PLD1: variants seen among roughly 807,000 people sequenced by gnomAD.
PLD1 encodes phospholipase D1.
A neutral mutation model predicts 137.1 loss-of-function variants in PLD1; 112 were observed. That is an observed-to-expected ratio of 0.82 (90% confidence interval 0.70 to 0.96). The LOEUF (loss-of-function observed/expected upper bound fraction) is 0.96. Among genes scored for constraint, PLD1 ranks in the 40% least tolerant of loss-of-function variants. The pLI is 0.00. For synonymous variants in PLD1, 431 were observed against 454.7 expected (o/e 0.95, Z 0.66); for missense variants, 1,321 against 1,342.0 (o/e 0.98, Z 0.24).
chr3:171,780,229 T>C (rs532365568), intron 1 of PLD1, among the ~76,000 whole-genome samples: 4 of 150,694 alleles, frequency 2.7e-5, no homozygotes, highest in African/African-American at 9.9e-5. Context: ...GGTTTGGATA[T>C]ATAAGTCTGA....
At chr3:171,630,391 T>C (rs1177277391) in intron 23 of PLD1, among the ~76,000 whole-genome samples, 1 of 136,426 alleles carries the variant, frequency 7.3e-6, no homozygotes, top group Non-Finnish European at 1.5e-5. Context: ...TGTGGAGAAA[T>C]AGGAACACTT....
intron 1 of PLD1, among the ~76,000 whole-genome samples, chr3:171,757,278 A>G (rs896392661): frequency 6.6e-6 from 1 of 152,238 alleles, no homozygotes; most frequent in Non-Finnish European, 1.5e-5. Flanking sequence ...AAAAAACTAC[A>G]AAAGTATGTG....
chr3:171,726,202 A>C, intron 6 of PLD1, 126 bp from the exon 7 acceptor site: 2 of 652,452 alleles, frequency 3.1e-6, no homozygotes, highest in Non-Finnish European at 5.5e-6. Context: ...ACACAGATCA[A>C]TAATAATGGC....
Position 171,737,614 on chromosome 3 carries a change from T to G in PLD1, c.206A>C (p.Glu69Ala), listed in dbSNP as rs761333400. 7 of 1,600,204 alleles carry G rather than the reference T, an allele frequency of 4.4e-6. No homozygotes were observed. In the South Asian group the frequency reaches 7.8e-5, roughly 18 times the overall value. The change falls in exon 3 of 27, where the codon GAG (glutamate) becomes GCG (alanine). Residue 69 changes from glutamate to alanine, a missense_variant. Transcript: ENST00000351298. ...GGAGAGATACGTCTGTATATTAGGC[T>G]CCTTAAATCCTTGAGTGTTATAAAT... Reference protein sequence around the residue: ...SAIYNTQGFKEPNIQTYLSGC... With the variant: ...SAIYNTQGFKAPNIQTYLSGC...
chr3:171,638,303 T>C (rs1181282957), intron 23 of PLD1, among the ~76,000 whole-genome samples: 1 of 152,028 alleles, frequency 6.6e-6, no homozygotes, highest in Non-Finnish European at 1.5e-5. Context: ...TACACTACTG[T>C]GGACTTTATA....
At chr3:171,791,065 G>A (rs557343619) in intron 1 of PLD1, among the ~76,000 whole-genome samples, 79 of 152,220 alleles carry the variant, frequency 5.2e-4, no homozygotes, top group Admixed American at 7.8e-4. Flanking sequence ...AAGCTTTTTC[G>A]TATTTCTCCA....
chr3:171,806,815 C>A (rs779031341), intron 1 of PLD1, among the ~76,000 whole-genome samples: 19 of 152,196 alleles, frequency 1.2e-4, no homozygotes, highest in Non-Finnish European at 2.2e-4. Flanking sequence ...CTGATAGATA[C>A]TCAGGAGAGG....
At chr3:171,651,256 C>A (rs1414628256) in intron 21 of PLD1, among the ~76,000 whole-genome samples, 1 of 152,026 alleles carries the variant, frequency 6.6e-6, no homozygotes, top group African/African-American at 2.4e-5. Flanking sequence ...TGCTATAAAT[C>A]GTCTCGTTGT....
intron 1 of PLD1, among the ~76,000 whole-genome samples, chr3:171,778,251 C>A (rs766014758): frequency 2.0e-5 from 3 of 152,098 alleles, no homozygotes; most frequent in Non-Finnish European, 2.9e-5. Flanking sequence ...TTAAATTTCC[C>A]AAGGTCAGGC....
intron 23 of PLD1, among the ~76,000 whole-genome samples, chr3:171,625,190 CAGG>C (rs1733987684): frequency 6.6e-6 from 1 of 152,202 alleles, no homozygotes. Flanking sequence ...AATGGCGCAC[CAGG>C]AGATTATATC....
chr3:171,603,402 T>C, intron 26 of PLD1, 100 bp from the exon 27 acceptor site: 1 of 764,098 alleles, frequency 1.3e-6, no homozygotes, highest in Non-Finnish European at 2.2e-6. Flanking sequence ...CTCTGTTGTA[T>C]GAAACATATT....
intron 23 of PLD1, among the ~76,000 whole-genome samples, chr3:171,641,826 A>T (rs1482496925): frequency 2.6e-5 from 4 of 152,148 alleles, no homozygotes; most frequent in Non-Finnish European, 2.9e-5. Context: ...ATGAATCTTC[A>T]TATAAACGTC....
intron 23 of PLD1, among the ~76,000 whole-genome samples, chr3:171,642,144 G>A (rs1230271230): frequency 1.3e-5 from 2 of 152,042 alleles, no homozygotes; most frequent in African/African-American, 4.8e-5. Context: ...CAAGAACTAG[G>A]TAGAAGAATC....
chr3:171,775,108 A>C (rs1038106764), intron 1 of PLD1, among the ~76,000 whole-genome samples: 3 of 150,878 alleles, frequency 2.0e-5, no homozygotes, highest in African/African-American at 7.2e-5. Context: ...GCTGTTGATA[A>C]AAAATTTTAT....
chr3:171,766,017 G>A (rs1721955922), intron 1 of PLD1, among the ~76,000 whole-genome samples: 1 of 152,160 alleles, frequency 6.6e-6, no homozygotes, highest in African/African-American at 2.4e-5. Flanking sequence ...CTAACATGAT[G>A]TATAAGGGCA....
intron 16 of PLD1, among the ~76,000 whole-genome samples, chr3:171,686,194 T>G (rs1714543522): frequency 6.6e-6 from 1 of 151,946 alleles, no homozygotes; most frequent in Non-Finnish European, 1.5e-5. Context: ...TCATATATCT[T>G]CTTAGTCTTA....
At chr3:171,747,628 C>G in intron 1 of PLD1, among the ~76,000 whole-genome samples, 1 of 152,160 alleles carries the variant, frequency 6.6e-6, no homozygotes, top group East Asian at 1.9e-4. Context: ...ACCATCCTGG[C>G]TCCTGCAGAA....
intron 1 of PLD1, among the ~76,000 whole-genome samples, chr3:171,769,622 TA>T (rs991290302): frequency 1.3e-5 from 2 of 152,172 alleles, no homozygotes; most frequent in Admixed American, 6.5e-5. Flanking sequence ...AATTGTGCCT[TA>T]GGGGGTATAA....
intron 23 of PLD1, among the ~76,000 whole-genome samples, chr3:171,624,794 G>T (rs1237053511): frequency 1.3e-5 from 2 of 152,198 alleles, no homozygotes; most frequent in East Asian, 3.9e-4. Context: ...AAGAGAATAT[G>T]CAGTATATTT....
Sources: gnomAD v4.1 joint callset for allele counts (sites outside exome capture counted in the v4.1 genomes callset) on GRCh38, gnomAD v4.1.1 for gene constraint, MANE v1.5 for transcripts, NCBI Gene and HGNC (gene_info 2026-07-23, HGNC 2026-07-21) for gene names.